Variants in AOPEP observed in about 807,000 individuals in gnomAD.
AOPEP encodes aminopeptidase O (putative).
A neutral mutation model predicts 98.1 loss-of-function variants in AOPEP; 77 were observed. The ratio of observed to expected loss-of-function variants is 0.78; its 90% confidence interval spans 0.65 to 0.95. The LOEUF is 0.95. Among genes scored for constraint, AOPEP ranks in the 40% least tolerant of loss-of-function variants. AOPEP has a pLI of 0.00. For synonymous variants in AOPEP, 346 were observed against 365.3 expected, an observed-to-expected ratio of 0.95 and a Z score of 0.60; for missense variants, 1,024 against 1,024.7, an observed-to-expected ratio of 1.00 and a Z score of 0.01.
intron 5 of AOPEP, among the ~76,000 whole-genome samples, chr9:94,841,169 ATT>A (rs67614379): frequency 5.2e-5 from 7 of 133,814 alleles, no homozygotes; most frequent in South Asian, 2.4e-4. Flanking sequence ...GCTCCACACA[ATT>A]TTTTTTTTTT....
At chr9:95,076,213 G>A (rs180943066) in intron 14 of AOPEP, among the ~76,000 whole-genome samples, 1 of 152,314 alleles carries the variant, frequency 6.6e-6, no homozygotes, top group East Asian at 1.9e-4. Flanking sequence ...GGTGGTGATG[G>A]TACAGGAAGG....
intron 6 of AOPEP, 106 bp from the exon 7 acceptor site, chr9:94,928,319 G>A: frequency 2.6e-6 from 2 of 778,818 alleles, no homozygotes; most frequent in Non-Finnish European, 4.1e-6. Flanking sequence ...GTGAGAGCAG[G>A]GGCAGGCTAT....
chr9:94,796,923 C>T (rs1297777368), intron 4 of AOPEP, among the ~76,000 whole-genome samples: 1 of 152,098 alleles, frequency 6.6e-6, no homozygotes. Context: ...GACACAGAAA[C>T]TTGGATAAAG....
intron 11 of AOPEP, among the ~76,000 whole-genome samples, chr9:95,003,432 G>C (rs2061696278): frequency 6.6e-6 from 1 of 152,124 alleles, no homozygotes; most frequent in African/African-American, 2.4e-5. Context: ...CAGTTTCTGG[G>C]GATCGTGAAC....
At chr9:94,891,177 G>A (rs1386952369) in intron 5 of AOPEP, among the ~76,000 whole-genome samples, 1 of 152,170 alleles carries the variant, frequency 6.6e-6, no homozygotes, top group East Asian at 1.9e-4. Flanking sequence ...AGTAATGTTT[G>A]TCTTTTTTAC....
intron 5 of AOPEP, among the ~76,000 whole-genome samples, chr9:94,856,821 G>C (rs951140017): frequency 6.6e-6 from 1 of 152,152 alleles, no homozygotes; most frequent in Non-Finnish European, 1.5e-5. Flanking sequence ...CATTATTTAA[G>C]CTGGTAGACA....
At chr9:95,022,769 A>G (rs1206917722) in intron 13 of AOPEP, among the ~76,000 whole-genome samples, 1 of 152,182 alleles carries the variant, frequency 6.6e-6, no homozygotes, top group Non-Finnish European at 1.5e-5. Context: ...CTTCCCAAGA[A>G]GTTTTTTGAT....
intron 5 of AOPEP, among the ~76,000 whole-genome samples, chr9:94,918,134 T>TCA (rs1195665364): frequency 6.6e-6 from 1 of 152,310 alleles, no homozygotes; most frequent in South Asian, 2.1e-4. Context: ...GACTTGTGTG[T>TCA]CACCCTCCTG....
intron 7 of AOPEP, among the ~76,000 whole-genome samples, chr9:94,942,381 C>T (rs1473127502): frequency 1.3e-5 from 2 of 152,092 alleles, no homozygotes; most frequent in Admixed American, 6.5e-5. Flanking sequence ...CAGTTTTGAT[C>T]TAGAATGGAT....
intron 7 of AOPEP, among the ~76,000 whole-genome samples, chr9:94,938,721 A>G (rs565014088): frequency 6.6e-6 from 1 of 152,348 alleles, no homozygotes; most frequent in South Asian, 2.1e-4. Flanking sequence ...AAGAACTCGT[A>G]TGTGATCCTC....
the AOPEP span, among the ~76,000 whole-genome samples, chr9:95,103,102 C>A: frequency 6.6e-6 from 1 of 152,122 alleles, no homozygotes; most frequent in Non-Finnish European, 1.5e-5. Context: ...CTGCTGTGGA[C>A]CCCTTTCAGT....
chr9:94,835,530 C>G lies in AOPEP; in HGVS notation c.1364+34528C>G, dbSNP rs554369737. On this transcript the variant is annotated intron_variant, in intron 5 of 16. Coordinates refer to ENST00000375315, the MANE Select transcript of AOPEP (RefSeq NM_001193329.3). ...TCTCCTTTAAAAGAAGTTGAACTTG[C>G]TCTCATTGTCTCAAACTGGTTTCCT... Among the ~76,000 whole-genome samples the G allele has an allele frequency of 2.6e-5, 4 of 152,268 alleles. No individual in the cohort carries two copies. In the South Asian group the frequency reaches 8.3e-4, roughly 32 times the overall value.
intron 5 of AOPEP, among the ~76,000 whole-genome samples, chr9:94,832,699 T>C (rs1277288337): frequency 6.6e-6 from 1 of 152,226 alleles, no homozygotes; most frequent in Admixed American, 6.5e-5. Flanking sequence ...GAATGTTCAC[T>C]ATCTCTAAGA....
At chr9:94,831,120 T>C (rs955784933) in intron 5 of AOPEP, among the ~76,000 whole-genome samples, 4 of 152,244 alleles carry the variant, frequency 2.6e-5, no homozygotes, top group African/African-American at 9.6e-5. Flanking sequence ...TCATGAAATC[T>C]TTGCCTGTGC....
At chr9:95,002,281 A>G (rs961169763) in intron 11 of AOPEP, among the ~76,000 whole-genome samples, 1 of 152,124 alleles carries the variant, frequency 6.6e-6, no homozygotes, top group Non-Finnish European at 1.5e-5. Context: ...CATTCACTAT[A>G]TAACATATTT....
At chr9:95,004,192 C>CG (rs1487408189) in intron 11 of AOPEP, 1 of 455,886 alleles carries the variant, frequency 2.2e-6, no homozygotes, top group Non-Finnish European at 4.4e-6. Flanking sequence ...CCCGGCCCGC[C>CG]CTCACCGGCA....
chr9:94,940,345 C>G (rs557650340), intron 7 of AOPEP, among the ~76,000 whole-genome samples: 1 of 152,258 alleles, frequency 6.6e-6, no homozygotes, highest in Admixed American at 6.5e-5. Flanking sequence ...GTGGCTCATG[C>G]CTGTAATCTC....
At chr9:94,735,646 A>T (rs1831584133) in intron 1 of AOPEP, among the ~76,000 whole-genome samples, 1 of 152,232 alleles carries the variant, frequency 6.6e-6, no homozygotes, top group Non-Finnish European at 1.5e-5. Flanking sequence ...AAGGAGAGTG[A>T]TTTTAAAGTA....
At chr9:95,147,036 T>G in the AOPEP span, among the ~76,000 whole-genome samples, 1 of 150,348 alleles carries the variant, frequency 6.7e-6, no homozygotes, top group Non-Finnish European at 1.5e-5. Context: ...TGTATGTATA[T>G]ATACAGTGTA....
Sources: gnomAD v4.1 joint callset for allele counts (sites outside exome capture counted in the v4.1 genomes callset) on GRCh38, gnomAD v4.1.1 for gene constraint, MANE v1.5 for transcripts, NCBI Gene and HGNC (gene_info 2026-07-23, HGNC 2026-07-21) for gene names.